Variants in ADAMTS20 observed in about 807,000 individuals in gnomAD.
ADAMTS20 encodes ADAM metallopeptidase with thrombospondin type 1 motif 20.
In ADAMTS20, 225 loss-of-function variants were observed where a neutral mutation model predicts 260.1. The observed-to-expected ratio is 0.87, with a 90% CI of 0.78 to 0.97. The LOEUF (loss-of-function observed/expected upper bound fraction) is 0.97. Ranked by LOEUF, ADAMTS20 falls within the 50% of genes least tolerant of loss-of-function variation. The probability of loss-of-function intolerance (pLI) is 0.00; values close to 1 mark genes in which losing one functional copy is unlikely to be tolerated. For missense variants in ADAMTS20, 2,400 were observed against 2,337.7 expected, an observed-to-expected ratio of 1.03 and a Z score of -0.55; for synonymous variants, 802 against 769.5, an observed-to-expected ratio of 1.04 and a Z score of -0.70.
chr12:43,466,594 T>C (rs1046176628), intron 9 of ADAMTS20, 58 bp downstream of exon 9: 4 of 1,506,922 alleles, frequency 2.7e-6, no homozygotes, highest in East Asian at 4.5e-5. Context: ...TTTAAAAATA[T>C]CAATTTCAAA....
At chr12:43,461,592 G>C (rs768921727) in intron 11 of ADAMTS20, among the ~76,000 whole-genome samples, 1 of 152,076 alleles carries the variant, frequency 6.6e-6, no homozygotes, top group Non-Finnish European at 1.5e-5. Context: ...AAGGAACAGA[G>C]GAAGGTGCCA....
chr12:43,479,484 T>C lies in ADAMTS20; in HGVS notation c.1118-10779A>G, dbSNP rs137940972. On this transcript the variant is annotated intron_variant, in intron 7 of 38. Coordinates refer to ENST00000389420, the MANE Select transcript of ADAMTS20 (RefSeq NM_025003.5). ...TGCAAAGAATATCAATAGATCACAT[T>C]CTCTAACTGCAATAAAATTAAGTTG... Among the ~76,000 whole-genome samples the C allele has an allele frequency of 4.2e-3, 641 of 152,234 alleles. 13 individuals are homozygous for C. Among genetic ancestry groups the C allele is most frequent in the Admixed American group, 0.032 (487 of 15,284 alleles).
chr12:43,359,602 G>A (rs1201086172), intron 37 of ADAMTS20, among the ~76,000 whole-genome samples: 2 of 152,260 alleles, frequency 1.3e-5, no homozygotes, highest in South Asian at 2.1e-4. Flanking sequence ...AACACTTATC[G>A]TAAAGCTATC....
intron 28 of ADAMTS20, among the ~76,000 whole-genome samples, chr12:43,425,152 CA>C (rs769028736): frequency 6.6e-6 from 1 of 152,114 alleles, no homozygotes; most frequent in Non-Finnish European, 1.5e-5. Context: ...CAAACTAATA[CA>C]GGAACAGAAA....
intron 9 of ADAMTS20, 40 bp from the exon 10 acceptor site, chr12:43,464,772 T>G: frequency 6.3e-7 from 1 of 1,579,222 alleles, no homozygotes; most frequent in Non-Finnish European, 8.6e-7. Context: ...TGAATACACA[T>G]GGATGCATTC....
chr12:43,475,940 A>G (rs1427744860), intron 7 of ADAMTS20, among the ~76,000 whole-genome samples: 1 of 132,130 alleles, frequency 7.6e-6, no homozygotes, highest in Non-Finnish European at 1.6e-5. Context: ...ATGGGCAAGG[A>G]CTTCATGTCC....
chr12:43,407,637 A>T (rs1426998353), intron 28 of ADAMTS20, among the ~76,000 whole-genome samples: 1 of 152,072 alleles, frequency 6.6e-6, no homozygotes, highest in Non-Finnish European at 1.5e-5. Context: ...TATTTTCCAC[A>T]AATAACTATT....
chr12:43,399,929 G>A (rs1294523447), intron 28 of ADAMTS20, among the ~76,000 whole-genome samples: 1 of 152,046 alleles, frequency 6.6e-6, no homozygotes, highest in Non-Finnish European at 1.5e-5. Context: ...TTGGGCTCTG[G>A]CATTGAGTAT....
chr12:43,474,084 A>T (rs1286523855), intron 7 of ADAMTS20, among the ~76,000 whole-genome samples: 2 of 151,916 alleles, frequency 1.3e-5, no homozygotes, highest in Non-Finnish European at 2.9e-5. Flanking sequence ...AAATTGATAG[A>T]CCGCTAGCAA....
rs933246943 is a variant in ADAMTS20 at position 43,490,149 on chromosome 12, T to C, written c.1117+246A>G. 3.9e-5 allele frequency among the ~76,000 whole-genome samples: 6 copies of C among 152,138 alleles called. No homozygotes were observed. In the East Asian group the frequency reaches 1.2e-3, roughly 29 times the overall value. Reference sequence around the variant, plus strand: ...TATTATTTCCCTTTAAATTGGCATATAGGTGATTACGTATTATTTCTCATG... The same window carrying C: ...TATTATTTCCCTTTAAATTGGCATACAGGTGATTACGTATTATTTCTCATG... On this transcript the variant is annotated intron_variant, in intron 7 of 38. Coordinates refer to ENST00000389420, the MANE Select transcript of ADAMTS20 (RefSeq NM_025003.5).
chr12:43,488,836 C>A (rs1565569588), intron 7 of ADAMTS20, among the ~76,000 whole-genome samples: 1 of 152,034 alleles, frequency 6.6e-6, no homozygotes, highest in Non-Finnish European at 1.5e-5. Flanking sequence ...ACTATGAAAT[C>A]TCCAATAATT....
chr12:43,385,976 T>C (rs992018000), intron 29 of ADAMTS20, among the ~76,000 whole-genome samples: 6 of 152,294 alleles, frequency 3.9e-5, no homozygotes, highest in Admixed American at 2.0e-4. Flanking sequence ...TGGTAGTTTG[T>C]ATTTCTGTGG....
chr12:43,419,823 T>C (rs892310300), intron 28 of ADAMTS20, among the ~76,000 whole-genome samples: 7 of 152,282 alleles, frequency 4.6e-5, no homozygotes, highest in African/African-American at 1.7e-4. Context: ...AGGTCATACA[T>C]TTCAAATCTG....
chr12:43,481,800 T>A (rs1350886765), intron 7 of ADAMTS20, among the ~76,000 whole-genome samples: 2 of 152,052 alleles, frequency 1.3e-5, no homozygotes, highest in African/African-American at 4.8e-5. Context: ...AAAGACAAAA[T>A]AGCGTGTGGA....
Position 43,377,508 on chromosome 12 carries a change from T to C in ADAMTS20, c.4852A>G (p.Ile1618Val). 6.2e-7 allele frequency: 1 copy of C among 1,613,728 alleles called. No homozygotes were observed. Among genetic ancestry groups the C allele is most frequent in the Non-Finnish European group, 8.5e-7 (1 of 1,179,716 alleles). Residue 1618 changes from isoleucine (I) to valine (V), a missense_variant, in exon 32 of 39, where the codon ATC (isoleucine) becomes GTC (valine). Coordinates refer to ENST00000389420, the MANE Select transcript of ADAMTS20 (RefSeq NM_025003.5). ...AGCTTATGTTTCTTAGTAGATGGGA[T>C]CTCGGTGCAATATGTAATCCTTTGT... ...YRQRITYCTEIPSTKKHKLHR... is the reference protein window; with the variant it reads ...YRQRITYCTEVPSTKKHKLHR...
Position 43,467,648 on chromosome 12 carries a change from C to T in ADAMTS20, c.1224-853G>A, listed in dbSNP as rs1294487000. ...ACATAGTGCCACCCAGATGTTGCCG[C>T]AATACTTCTACTGTCCTCAGATATT... On this transcript the variant is annotated intron_variant, in intron 8 of 38. Coordinates refer to ENST00000389420, the MANE Select transcript of ADAMTS20 (RefSeq NM_025003.5). 2.0e-5 allele frequency among the ~76,000 whole-genome samples: 3 copies of T among 152,040 alleles called. 1 individual carries two copies. The highest frequency in any genetic ancestry group is 1.9e-4 in the East Asian group (1 of 5,192).
At position 43,432,330 on chromosome 12, in the gene ADAMTS20, T is replaced by G. The variant is rs763850946; in HGVS notation, c.3070A>C (p.Ser1024Arg). Residue 1024 changes from serine (S) to arginine (R), a missense_variant, in exon 21 of 39, where the codon AGT (serine) becomes CGT (arginine). Coordinates refer to ENST00000389420, the MANE Select transcript of ADAMTS20 (RefSeq NM_025003.5). ...TCGCTCCATTCACTAGCAGCCCAAC[T>G]GGGACAGGAAAATTCATTGCAATTC... The part of the protein sequence containing the change: ...RENCNEFSCP[S>R]WAASEWSECL... The G allele has an allele frequency of 1.1e-5, 18 of 1,613,978 alleles. No homozygotes were observed. Among genetic ancestry groups the G allele is most frequent in the Non-Finnish European group, 1.5e-5 (18 of 1,179,870 alleles).
chr12:43,478,628 T>C (rs114341246), intron 7 of ADAMTS20, among the ~76,000 whole-genome samples: 2,102 of 152,222 alleles, frequency 0.014, 51 homozygotes, highest in African/African-American at 0.048. Flanking sequence ...GAGGATCTTA[T>C]AAAAGACAGA....
At position 43,515,886 on chromosome 12, in the gene ADAMTS20, C is replaced by A. The variant is rs565142212; in HGVS notation, c.614-13481G>T. 2.0e-5 allele frequency among the ~76,000 whole-genome samples: 3 copies of A among 152,256 alleles called. No individual in the cohort carries two copies. The East Asian group carries it at 5.8e-4, about 29-fold the overall frequency. On this transcript the variant is annotated intron_variant, in intron 3 of 38. Coordinates refer to ENST00000389420, the MANE Select transcript of ADAMTS20 (RefSeq NM_025003.5). Reference sequence around the variant, plus strand: ...CAAACAGGTATTTTATTTTATGCTACATCCCAGAATTTAATAATTCACCAT... The same window carrying A: ...CAAACAGGTATTTTATTTTATGCTAAATCCCAGAATTTAATAATTCACCAT...
Sources: allele counts gnomAD v4.1 joint callset (sites outside exome capture counted in the v4.1 genomes callset), GRCh38; gene constraint gnomAD v4.1.1; transcripts MANE v1.5; gene names NCBI Gene and HGNC (gene_info 2026-07-23, HGNC 2026-07-21).